Variants in CUX1 observed in about 807,000 individuals in gnomAD.
CUX1 encodes protein CASP.
Under a neutral mutation model 158.8 loss-of-function variants are expected in CUX1, and 31 were observed. The ratio of observed to expected loss-of-function variants is 0.20; its 90% CI spans 0.15 to 0.26. The LOEUF (loss-of-function observed/expected upper bound fraction) is 0.26. CUX1 is among the 10% of genes least tolerant of loss of function. The pLI is 1.00. For missense variants in CUX1, 1,589 were observed against 2,014.6 expected (o/e 0.79, Z 4.04); for synonymous variants, 879 against 862.1 (o/e 1.02, Z -0.34).
At chr7:101,943,702 AT>A (rs1224495993) in intron 2 of CUX1, among the ~76,000 whole-genome samples, 1 of 151,572 alleles carries the variant, frequency 6.6e-6, no homozygotes, top group East Asian at 1.9e-4. Flanking sequence ...AAAAAAAAAA[AT>A]GGGGGCATTG....
intron 1 of CUX1, among the ~76,000 whole-genome samples, chr7:101,831,640 G>A (rs1794028220): frequency 6.6e-6 from 1 of 152,030 alleles, no homozygotes; most frequent in African/African-American, 2.4e-5. Context: ...CAAGGAATAA[G>A]TGAGTGCCCA....
chr7:102,166,516 T>TGG (rs1791052711), intron 9 of CUX1, among the ~76,000 whole-genome samples: 1 of 152,142 alleles, frequency 6.6e-6, no homozygotes, highest in Admixed American at 6.5e-5. Flanking sequence ...CAGCTACAGC[T>TGG]GGTTTAACAG....
chr7:102,239,076 G>A (rs1219039857), intron 22 of CUX1, among the ~76,000 whole-genome samples: 1 of 152,076 alleles, frequency 6.6e-6, no homozygotes, highest in African/African-American at 2.4e-5. Context: ...TAGTAGAGAC[G>A]GGGTTTCACC....
chr7:101,917,003 G>A (rs902084749), intron 2 of CUX1, among the ~76,000 whole-genome samples: 3 of 151,912 alleles, frequency 2.0e-5, no homozygotes, highest in Admixed American at 6.6e-5. Context: ...TCCCCATGGC[G>A]CTCATCCCGC....
intron 2 of CUX1, among the ~76,000 whole-genome samples, chr7:101,932,811 TA>T (rs1323388107): frequency 1.3e-5 from 2 of 152,178 alleles, no homozygotes; most frequent in Admixed American, 1.3e-4. Flanking sequence ...TGAATAGAAA[TA>T]AAGAAATTAA....
At chr7:101,969,492 C>T (rs1299449449) in intron 2 of CUX1, among the ~76,000 whole-genome samples, 1 of 150,934 alleles carries the variant, frequency 6.6e-6, no homozygotes, top group Non-Finnish European at 1.5e-5. Context: ...TTTTGAAATT[C>T]ACCTCCTTTG....
At chr7:102,132,853 G>A (rs1292101606) in intron 8 of CUX1, among the ~76,000 whole-genome samples, 1 of 151,746 alleles carries the variant, frequency 6.6e-6, no homozygotes, top group Non-Finnish European at 1.5e-5. Flanking sequence ...TGTATTTTTA[G>A]TAGTGACAGG....
intron 2 of CUX1, among the ~76,000 whole-genome samples, chr7:102,023,820 C>G (rs922960281): frequency 6.6e-6 from 1 of 152,122 alleles, no homozygotes; most frequent in Non-Finnish European, 1.5e-5. Context: ...GTTTTTCCCT[C>G]TTCAACTGTC....
chr7:102,075,010 C>T (rs1826556083), intron 4 of CUX1, among the ~76,000 whole-genome samples: 1 of 152,108 alleles, frequency 6.6e-6, no homozygotes, highest in Non-Finnish European at 1.5e-5. Context: ...AGGCGTGCGC[C>T]ACCACACCTG....
intron 2 of CUX1, among the ~76,000 whole-genome samples, chr7:101,969,806 G>A (rs1201439231): frequency 2.0e-5 from 3 of 151,986 alleles, no homozygotes; most frequent in African/African-American, 7.2e-5. Context: ...CTGCTTAAAT[G>A]TATCCATTGA....
chr7:102,202,846 C>T (rs1414496482), intron 18 of CUX1, among the ~76,000 whole-genome samples: 1 of 152,194 alleles, frequency 6.6e-6, no homozygotes, highest in Non-Finnish European at 1.5e-5. Flanking sequence ...AAAGTGTAAT[C>T]GTGCATGGAC....
At chr7:102,237,685 C>T (rs782300778) in intron 22 of CUX1, among the ~76,000 whole-genome samples, 2 of 152,152 alleles carry the variant, frequency 1.3e-5, no homozygotes, top group Admixed American at 6.5e-5. Context: ...GGTCTCTCCC[C>T]GTGTGTGGAG....
At chr7:102,243,632 A>AAATAATAATAATAATAAT (rs3077412) in intron 23 of CUX1, among the ~76,000 whole-genome samples, 1 of 130,838 alleles carries the variant, frequency 7.6e-6, no homozygotes, top group Non-Finnish European at 1.6e-5. Flanking sequence ...TCTCTACAGA[A>AAATAATAATAATAATAAT]AATAATAATA....
intron 2 of CUX1, among the ~76,000 whole-genome samples, chr7:101,983,229 T>C (rs1480107108): frequency 2.0e-5 from 3 of 152,236 alleles, no homozygotes; most frequent in Non-Finnish European, 4.4e-5. Context: ...GATCTTTCTT[T>C]AATGCTGTTA....
chr7:101,830,725 G>A (rs919999675), intron 1 of CUX1, among the ~76,000 whole-genome samples: 10 of 152,100 alleles, frequency 6.6e-5, no homozygotes, highest in African/African-American at 1.2e-4. Flanking sequence ...CCAAAGTGCC[G>A]GGATTATATA....
At chr7:102,127,121 T>TCTC (rs1338348341) in intron 8 of CUX1, among the ~76,000 whole-genome samples, 1 of 152,330 alleles carries the variant, frequency 6.6e-6, no homozygotes, top group Admixed American at 6.5e-5. Flanking sequence ...CTGCAGCGCA[T>TCTC]CTCCTGCTGT....
chr7:101,842,346 T>G (rs1255602784), intron 1 of CUX1, among the ~76,000 whole-genome samples: 1 of 152,242 alleles, frequency 6.6e-6, no homozygotes, highest in Non-Finnish European at 1.5e-5. Flanking sequence ...TGGAATACAT[T>G]CATGTCACTG....
intron 2 of CUX1, among the ~76,000 whole-genome samples, chr7:102,006,483 G>A (rs559173771): frequency 6.6e-6 from 1 of 151,862 alleles, no homozygotes; most frequent in East Asian, 1.9e-4. Context: ...TGCAACCTCC[G>A]CCTCCCGGGT....
intron 10 of CUX1, among the ~76,000 whole-genome samples, chr7:102,170,829 C>T (rs1441784875): frequency 6.6e-6 from 1 of 152,100 alleles, no homozygotes; most frequent in Non-Finnish European, 1.5e-5. Flanking sequence ...GACACAGTCA[C>T]GATGCCCCAG....
Sources: gnomAD v4.1 joint callset for allele counts (sites outside exome capture counted in the v4.1 genomes callset) on GRCh38, gnomAD v4.1.1 for gene constraint, MANE v1.5 for transcripts, NCBI Gene and HGNC (gene_info 2026-07-23, HGNC 2026-07-21) for gene names.